GNA14: variants seen among roughly 807,000 people sequenced by gnomAD.
GNA14 encodes G protein subunit alpha 14.
A neutral mutation model predicts 42.0 loss-of-function variants in GNA14; 50 were observed. The ratio of observed to expected loss-of-function variants is 1.19; its 90% confidence interval spans 0.95 to 1.51. The LOEUF is 1.51. Ranked by LOEUF, GNA14 falls within the 40% of genes most tolerant of loss-of-function variation. The pLI is 0.00. For missense variants in GNA14, 473 were observed against 446.2 expected (o/e 1.06, Z -0.54); for synonymous variants, 173 against 163.1 (o/e 1.06, Z -0.46).
chr9:77,484,066 G>C (rs553697677), intron 2 of GNA14, among the ~76,000 whole-genome samples: 1 of 152,130 alleles, frequency 6.6e-6, no homozygotes, highest in African/African-American at 2.4e-5. Flanking sequence ...CTTTTCTTTG[G>C]AGAACATGAA....
chr9:77,557,124 T>A (rs1822798021), intron 1 of GNA14, among the ~76,000 whole-genome samples: 1 of 152,042 alleles, frequency 6.6e-6, no homozygotes, highest in South Asian at 2.1e-4. Flanking sequence ...AGGGTGCCCC[T>A]CCACAGCAGC....
chr9:77,606,527 G>C (rs1823648109), intron 1 of GNA14, among the ~76,000 whole-genome samples: 1 of 152,100 alleles, frequency 6.6e-6, no homozygotes, highest in African/African-American at 2.4e-5. Flanking sequence ...AGAAGTAAAA[G>C]GAATATAAAA....
chr9:77,546,766 A>G (rs1050735899), intron 1 of GNA14, among the ~76,000 whole-genome samples: 1 of 152,226 alleles, frequency 6.6e-6, no homozygotes, highest in African/African-American at 2.4e-5. Context: ...CATGACGAGT[A>G]ATCACCTCCA....
intron 2 of GNA14, among the ~76,000 whole-genome samples, chr9:77,462,452 G>A (rs1314026326): frequency 6.6e-6 from 1 of 152,138 alleles, no homozygotes; most frequent in Non-Finnish European, 1.5e-5. Context: ...TGGGCGCAGT[G>A]GCTCATGCCT....
At chr9:77,640,804 C>A (rs1824244512) in intron 1 of GNA14, among the ~76,000 whole-genome samples, 1 of 145,790 alleles carries the variant, frequency 6.9e-6, no homozygotes, top group African/African-American at 2.6e-5. Flanking sequence ...TGATTTCTTC[C>A]CCAGCTGGGG....
intron 1 of GNA14, among the ~76,000 whole-genome samples, chr9:77,583,210 T>C (rs951205776): frequency 6.6e-6 from 1 of 152,124 alleles, no homozygotes; most frequent in African/African-American, 2.4e-5. Context: ...GATCAGGAAA[T>C]GCAAGCCAGA....
chr9:77,582,048 T>C lies in GNA14; in HGVS notation c.125-52795A>G, dbSNP rs75588991. Reference sequence around the variant, plus strand: ...CACCCTGGGCTCCTTGGAGCCTCCATTGTTTCACAAATTATTTTTTCTCCA... The same window carrying C: ...CACCCTGGGCTCCTTGGAGCCTCCACTGTTTCACAAATTATTTTTTCTCCA... On this transcript the variant is annotated intron_variant, in intron 1 of 6. Coordinates refer to ENST00000341700, the MANE Select transcript of GNA14 (RefSeq NM_004297.4). Among the ~76,000 whole-genome samples the C allele has an allele frequency of 4.6e-3, 694 of 152,354 alleles. 8 individuals carry two copies. The highest frequency in any genetic ancestry group is 0.015 in the African/African-American group (612 of 41,582).
chr9:77,425,782 T>G, intron 5 of GNA14, 67 bp from the exon 6 acceptor site: 2 of 1,124,956 alleles, frequency 1.8e-6, no homozygotes, highest in Non-Finnish European at 2.6e-6. Flanking sequence ...CATGGCGCAT[T>G]GCCAGTCCAT....
intron 2 of GNA14, among the ~76,000 whole-genome samples, chr9:77,478,235 T>A (rs1257858797): frequency 2.0e-5 from 3 of 150,238 alleles, no homozygotes; most frequent in South Asian, 2.2e-4. Context: ...TGTCCATGTG[T>A]TCGCATTGTT....
intron 2 of GNA14, among the ~76,000 whole-genome samples, chr9:77,439,116 G>C (rs76313318): frequency 0.019 from 2,885 of 152,214 alleles, 87 homozygotes; most frequent in African/African-American, 0.064. Context: ...CTCTGAATGA[G>C]AATGGCCCAG....
intron 1 of GNA14, among the ~76,000 whole-genome samples, chr9:77,605,176 G>C (rs951058756): frequency 6.6e-6 from 1 of 152,228 alleles, no homozygotes; most frequent in East Asian, 1.9e-4. Flanking sequence ...GTGAATGAGG[G>C]AAGCAGTGCT....
At chr9:77,602,351 A>C (rs1276876504) in intron 1 of GNA14, among the ~76,000 whole-genome samples, 1 of 152,232 alleles carries the variant, frequency 6.6e-6, no homozygotes, top group Non-Finnish European at 1.5e-5. Context: ...CAAAACAAAT[A>C]GTAATAACTT....
intron 1 of GNA14, among the ~76,000 whole-genome samples, chr9:77,625,445 A>G (rs1167541550): frequency 6.6e-6 from 1 of 152,194 alleles, no homozygotes; most frequent in Non-Finnish European, 1.5e-5. Flanking sequence ...GATAGTTGTC[A>G]GGTTGAAATG....
rs1835548248 is a variant in GNA14, at chr9:77,431,311, ACAGAC to A, written c.593+5_593+9del. On this transcript the variant is annotated splice_donor_5th_base_variant and intron_variant, in intron 4 of 6. Transcript: ENST00000341700. ...AGATTCTTCATGGTACATCAGGGAGACAGACTTACCGAAAGATGATGTTTTCCAAG... is the reference window on the plus strand; with the variant it reads ...AGATTCTTCATGGTACATCAGGGAGATTACCGAAAGATGATGTTTTCCAAG... The A allele has an allele frequency of 6.2e-6, 10 of 1,612,740 alleles. No individual in the cohort carries two copies. Among genetic ancestry groups the A allele is most frequent in the Non-Finnish European group, 8.5e-6 (10 of 1,179,040 alleles).
At chr9:77,531,721 A>G (rs1489835455) in intron 1 of GNA14, among the ~76,000 whole-genome samples, 1 of 152,192 alleles carries the variant, frequency 6.6e-6, no homozygotes, top group East Asian at 1.9e-4. Flanking sequence ...ACACTAAGAG[A>G]ATCTTTTTGC....
chr9:77,568,526 G>A (rs1451512402), intron 1 of GNA14, among the ~76,000 whole-genome samples: 12 of 151,672 alleles, frequency 7.9e-5, no homozygotes, highest in African/African-American at 2.7e-4. Context: ...AAGAAAGAAT[G>A]TTAACTATTA....
intron 2 of GNA14, among the ~76,000 whole-genome samples, chr9:77,436,802 T>C (rs1053970159): frequency 6.6e-6 from 1 of 152,208 alleles, no homozygotes; most frequent in African/African-American, 2.4e-5. Flanking sequence ...TTGCAAATAA[T>C]AGGTGTCTTC....
chr9:77,515,971 A>AAAAAAAAAAAAAAAC (rs1554693936), intron 2 of GNA14, among the ~76,000 whole-genome samples: 38 of 147,312 alleles, frequency 2.6e-4, no homozygotes, highest in Non-Finnish European at 4.2e-4. Context: ...AAAAAAAAAA[A>AAAAAAAAAAAAAAAC]AAAAAAAAAA....
At chr9:77,438,561 C>A (rs982085609) in intron 2 of GNA14, among the ~76,000 whole-genome samples, 1 of 151,938 alleles carries the variant, frequency 6.6e-6, no homozygotes, top group African/African-American at 2.4e-5. Flanking sequence ...AGCCACCACG[C>A]CTAGCCGATT....
Sources: allele counts gnomAD v4.1 joint callset (sites outside exome capture counted in the v4.1 genomes callset), GRCh38; gene constraint gnomAD v4.1.1; transcripts MANE v1.5; gene names NCBI Gene and HGNC (gene_info 2026-07-23, HGNC 2026-07-21).